Variants in PRKCH observed in about 807,000 individuals in gnomAD.
The protein encoded by PRKCH is protein kinase C eta type.
A neutral mutation model predicts 82.5 loss-of-function variants in PRKCH; 28 were observed. The observed-to-expected ratio is 0.34, with a 90% confidence interval of 0.25 to 0.47. PRKCH has a LOEUF of 0.47. Among genes scored for constraint, PRKCH ranks in the 20% least tolerant of loss-of-function variants. PRKCH has a pLI of 1.00. For synonymous variants in PRKCH, 322 were observed against 327.4 expected (o/e 0.98, Z 0.18); for missense variants, 705 against 881.8 (o/e 0.80, Z 2.54).
intron 10 of PRKCH, among the ~76,000 whole-genome samples, chr14:61,493,875 A>C (rs1886556964): frequency 6.6e-6 from 1 of 151,678 alleles, no homozygotes; most frequent in Admixed American, 6.6e-5. Flanking sequence ...AAGGCATAAG[A>C]GATAATAGCA....
intron 1 of PRKCH, among the ~76,000 whole-genome samples, chr14:61,329,234 C>CTTTTTTTTTTTTTTTTTTTTTT (rs71117812): frequency 1.6e-5 from 1 of 63,468 alleles, no homozygotes; most frequent in African/African-American, 6.8e-5. Context: ...ACTCCTGAGT[C>CTTTTTTTTTTTTTTTTTTTTTT]TTTTTTTTTT....
intron 1 of PRKCH, among the ~76,000 whole-genome samples, chr14:61,262,528 T>G (rs2045058541): frequency 6.6e-6 from 1 of 152,176 alleles, no homozygotes. Context: ...AGAAGTCACC[T>G]TTGGCAAAGG....
At chr14:61,402,807 G>GA (rs1881709269) in intron 2 of PRKCH, among the ~76,000 whole-genome samples, 1 of 147,058 alleles carries the variant, frequency 6.8e-6, no homozygotes, top group Non-Finnish European at 1.5e-5. Flanking sequence ...CAAAAAAAAA[G>GA]AAAAAAAGAA....
intron 1 of PRKCH, among the ~76,000 whole-genome samples, chr14:61,214,320 C>T (rs999919792): frequency 1.3e-5 from 2 of 152,066 alleles, no homozygotes; most frequent in Admixed American, 6.6e-5. Context: ...AGTGAAGGGC[C>T]CATTCCCAAG....
chr14:61,346,010 T>C (rs2045987956), intron 1 of PRKCH, among the ~76,000 whole-genome samples: 1 of 152,228 alleles, frequency 6.6e-6, no homozygotes, highest in Non-Finnish European at 1.5e-5. Context: ...ATTTGCCTTT[T>C]AAGGCTATAT....
At chr14:61,272,053 G>T (rs140353648) in intron 1 of PRKCH, among the ~76,000 whole-genome samples, 7,667 of 151,828 alleles carry the variant, frequency 0.05, 310 homozygotes, top group African/African-American at 0.11. Flanking sequence ...GTGAAACCCC[G>T]TCTCTACTAA....
chr14:61,462,740 C>T (rs1463210201), intron 9 of PRKCH, among the ~76,000 whole-genome samples: 1 of 152,130 alleles, frequency 6.6e-6, no homozygotes, highest in African/African-American at 2.4e-5. Context: ...GACAGTCTCC[C>T]CTGGAGAATT....
intron 1 of PRKCH, among the ~76,000 whole-genome samples, chr14:61,212,634 C>T (rs2044591303): frequency 6.6e-6 from 1 of 152,168 alleles, no homozygotes; most frequent in Non-Finnish European, 1.5e-5. Context: ...CATCTGAAAG[C>T]CCTGGTTAAT....
intron 9 of PRKCH, among the ~76,000 whole-genome samples, chr14:61,470,509 G>A (rs1320416190): frequency 6.6e-6 from 1 of 152,158 alleles, no homozygotes; most frequent in Non-Finnish European, 1.5e-5. Context: ...TAAGCTAATA[G>A]TTTGGCTCAG....
At chr14:61,360,934 T>C in intron 1 of PRKCH, 1 of 152,340 alleles carries the variant, frequency 6.6e-6, no homozygotes, top group Non-Finnish European at 1.5e-5. Context: ...GATGGACTTC[T>C]GCAGTCCCTC....
At chr14:61,353,437 T>C (rs1201011498) in intron 1 of PRKCH, 2 of 152,256 alleles carry the variant, frequency 1.3e-5, no homozygotes, top group Non-Finnish European at 2.9e-5. Context: ...TCTCAATTTT[T>C]CAAACTTTTG....
chr14:61,283,007 G>A (rs2045285352), intron 1 of PRKCH, among the ~76,000 whole-genome samples: 1 of 151,870 alleles, frequency 6.6e-6, no homozygotes, highest in Non-Finnish European at 1.5e-5. Context: ...TCGTCTCTAG[G>A]AAGGAATTCA....
rs201835969 is a variant in PRKCH, at chr14:61,387,008, TTC to T, written c.364-4215_364-4214del. ...ATGATGTTACGAAGAGCTGTTCTCT[TTC>T]TGTCCCTCAGCTCTCCCCTCTTTGT... On this transcript the variant is annotated intron_variant, in intron 1 of 13. Transcript: ENST00000332981. Among the ~76,000 whole-genome samples, 1,276 of 152,364 alleles carry T rather than the reference TTC, an allele frequency of 8.4e-3. 5 individuals are homozygous for T. Among genetic ancestry groups the T allele is most frequent in the Non-Finnish European group, 0.013 (890 of 68,040 alleles).
intron 1 of PRKCH, among the ~76,000 whole-genome samples, chr14:61,382,471 C>T (rs1023284120): frequency 6.6e-6 from 1 of 151,972 alleles, no homozygotes; most frequent in Admixed American, 6.5e-5. Flanking sequence ...ACAAGAAAAA[C>T]CAATACAATC....
In PRKCH at chr14:61,310,803, C is replaced by T. The variant is rs983867799; in HGVS notation, c.-19+123135C>T. Among the ~76,000 whole-genome samples, 67 of 152,276 alleles carry T rather than the reference C, an allele frequency of 4.4e-4. 1 individual carries two copies. Among genetic ancestry groups the T allele is most frequent in the Non-Finnish European group, 1.6e-4 (11 of 68,052 alleles). On this transcript the variant is annotated intron_variant, in intron 1 of 3. Coordinates refer to the PRKCH transcript ENST00000555185. ...AGGGCTCTGCCCTAGCAGCAAACTT[C>T]TGCCTGGACATCCAGGCATTTCCAT...
chr14:61,494,591 G>A (rs755464582), intron 10 of PRKCH, among the ~76,000 whole-genome samples: 24 of 152,184 alleles, frequency 1.6e-4, no homozygotes, highest in Admixed American at 4.6e-4. Flanking sequence ...TCCCAGCAGG[G>A]TCCTTGTAAA....
intron 1 of PRKCH, among the ~76,000 whole-genome samples, chr14:61,282,885 G>C (rs76412640): frequency 0.052 from 7,985 of 152,118 alleles, 365 homozygotes; most frequent in African/African-American, 0.12. Context: ...AGTTCCCACA[G>C]TGTGATCCAG....
At chr14:61,395,595 A>G (rs2046766796) in intron 2 of PRKCH, among the ~76,000 whole-genome samples, 1 of 152,142 alleles carries the variant, frequency 6.6e-6, no homozygotes, top group Non-Finnish European at 1.5e-5. Context: ...TCTGTCTCAC[A>G]TGGTTGTCTT....
intron 1 of PRKCH, among the ~76,000 whole-genome samples, chr14:61,196,288 T>G (rs139924267): frequency 6.6e-6 from 1 of 152,182 alleles, no homozygotes; most frequent in Non-Finnish European, 1.5e-5. Context: ...GTAAGGAGCT[T>G]AGGGTAAAAG....
Sources: gnomAD v4.1 joint callset for allele counts (sites outside exome capture counted in the v4.1 genomes callset) on GRCh38, gnomAD v4.1.1 for gene constraint, MANE v1.5 for transcripts, NCBI Gene and HGNC (gene_info 2026-07-23, HGNC 2026-07-21) for gene names.